Variants in C3orf49 observed in about 807,000 individuals in gnomAD.
C3orf49 encodes the protein chromosome 3 open reading frame 49, also known as putative uncharacterized protein C3orf49.
Under a neutral mutation model 13.3 loss-of-function variants are expected in C3orf49, and 27 were observed. The observed-to-expected ratio is 2.02, with a 90% confidence interval of 1.49 to 2.79. The LOEUF (loss-of-function observed/expected upper bound fraction) is 2.79, where lower values mean the gene tolerates loss of function less well. Ranked by LOEUF, C3orf49 falls within the 30% of genes most tolerant of loss-of-function variation. The pLI, the probability that C3orf49 is intolerant of heterozygous loss-of-function variation, is 0.00. For missense variants in C3orf49, 242 were observed against 134.2 expected, an observed-to-expected ratio of 1.80 and a Z score of -3.97; for synonymous variants, 87 against 47.6, an observed-to-expected ratio of 1.83 and a Z score of -3.40.
At chr3:63,842,218 T>C (rs1471468076) in intron 5 of C3orf49, among the ~76,000 whole-genome samples, 1 of 152,156 alleles carries the variant, frequency 6.6e-6, no homozygotes, top group East Asian at 1.9e-4. Context: ...GAAAAAATTC[T>C]CAACATCACT....
In C3orf49 at chr3:63,845,181, GTAT is replaced by G. The variant is rs201937070; in HGVS notation, c.*30+101_*30+103del. The G allele has an allele frequency of 4.0e-3, 2,029 of 504,234 alleles. 37 individuals are homozygous for G. The highest frequency in any genetic ancestry group is 0.034 in the African/African-American group (1,795 of 52,552). The allele number at this position is 504,234 out of a possible 1,614,324, so 31.2% of individuals were successfully genotyped here. On this transcript the variant is annotated intron_variant, in intron 6 of 6. Coordinates refer to ENST00000295896, the MANE Select transcript of C3orf49 (RefSeq NM_001355236.2). ...CAGATCTGAGCTCTGCTCTCTTTAA[GTAT>G]TTAAGCTCGCTGATATCTTTGGCTT...
rs1467463207 is a variant in C3orf49 at position 63,831,664 on chromosome 3, T to C, written c.685-16T>C. The C allele has an allele frequency of 2.9e-6, 2 of 699,388 alleles. No homozygotes were observed. Among genetic ancestry groups the C allele is most frequent in the African/African-American group, 3.5e-5 (2 of 57,146 alleles). The allele number at this position is 699,388 out of a possible 1,614,324, so 43.3% of individuals were successfully genotyped here. A position where few individuals can be genotyped will look rare whatever the true frequency, so the allele number is the denominator to read the frequency against. ...TCCAACACATGGCTTCATTTCTTTG[T>C]ATTTATCTGTCATAGGTGGATGACC... On this transcript the variant is annotated splice_polypyrimidine_tract_variant and intron_variant, in intron 4 of 6. Transcript: ENST00000295896.
At chr3:63,818,281 C>A (rs1263398797), upstream of C3orf49, among the ~76,000 whole-genome samples, 4 of 152,172 alleles carry the variant, frequency 2.6e-5, no homozygotes, top group Non-Finnish European at 4.4e-5. Context: ...ATGAATTGGC[C>A]AAGGTCACAT....
At chr3:63,825,858 T>C (rs1701459318) in intron 2 of C3orf49, among the ~76,000 whole-genome samples, 1 of 152,198 alleles carries the variant, frequency 6.6e-6, no homozygotes, top group Non-Finnish European at 1.5e-5. Flanking sequence ...AGGATGCTAT[T>C]GAAAGAAATC....
the C3orf49 span, among the ~76,000 whole-genome samples, chr3:63,796,362 G>T: frequency 6.6e-6 from 1 of 151,992 alleles, no homozygotes; most frequent in Non-Finnish European, 1.5e-5. Flanking sequence ...TTTCCAAGGG[G>T]ATTAATCCCA....
At chr3:63,784,879 G>A in the C3orf49 span, 3 of 152,004 alleles carry the variant, frequency 2.0e-5, no homozygotes, top group African/African-American at 7.3e-5. Context: ...GAAAGTGTTA[G>A]AAAGGCTAAT....
At chr3:63,808,209 G>A in the C3orf49 span, among the ~76,000 whole-genome samples, 5 of 152,196 alleles carry the variant, frequency 3.3e-5, no homozygotes, top group African/African-American at 1.2e-4. Flanking sequence ...TTATTTAAGA[G>A]ATAAGTGATA....
chr3:63,825,320 A>C (rs1340501857), intron 2 of C3orf49, among the ~76,000 whole-genome samples: 2 of 152,066 alleles, frequency 1.3e-5, no homozygotes, highest in African/African-American at 2.4e-5. Flanking sequence ...GAAAAAAAAA[A>C]CAAAAAAAAA....
the C3orf49 span, among the ~76,000 whole-genome samples, chr3:63,806,894 A>C: frequency 1.3e-5 from 2 of 152,156 alleles, no homozygotes; most frequent in Non-Finnish European, 2.9e-5. Context: ...TCCTCGGGGA[A>C]CCATAAACTC....
chr3:63,816,689 G>A (rs1282871207), upstream of C3orf49, among the ~76,000 whole-genome samples: 2 of 151,596 alleles, frequency 1.3e-5, no homozygotes, highest in African/African-American at 4.8e-5. Context: ...CAAGAGATTT[G>A]GTCCTCCCTC....
chr3:63,834,568 G>A (rs903989402), intron 5 of C3orf49, among the ~76,000 whole-genome samples: 11 of 151,820 alleles, frequency 7.2e-5, no homozygotes, highest in African/African-American at 2.7e-4. Context: ...GCTGAGGCAG[G>A]AGAATCACTT....
At chr3:63,835,264 A>T in intron 5 of C3orf49, 4 of 1,612,678 alleles carry the variant, frequency 2.5e-6, no homozygotes, top group Non-Finnish European at 3.4e-6. Context: ...TGACCTGTAT[A>T]TATAGATATA....
chr3:63,832,927 C>T (rs1162707080), intron 5 of C3orf49: 2 of 152,182 alleles, frequency 1.3e-5, no homozygotes, highest in East Asian at 3.9e-4. Flanking sequence ...AAAAATGTAA[C>T]ATCATTAAGG....
chr3:63,831,368 T>G, intron 4 of C3orf49, 145 bp downstream of exon 4: 1 of 612,466 alleles, frequency 1.6e-6, no homozygotes. Context: ...GGGGGCATTC[T>G]GAAAGTGGCT....
upstream of C3orf49, among the ~76,000 whole-genome samples, chr3:63,817,672 T>A (rs1472494466): frequency 2.0e-5 from 3 of 152,234 alleles, no homozygotes; most frequent in African/African-American, 7.2e-5. Context: ...CCCCACCCCC[T>A]TCCCACTCCT....
At chr3:63,831,549 G>A (rs376956689) in intron 4 of C3orf49, 131 bp from the exon 5 acceptor site, 6 of 640,648 alleles carry the variant, frequency 9.4e-6, no homozygotes, top group African/African-American at 7.4e-5. Flanking sequence ...ACTTGAATTA[G>A]AATAATATTT....
chr3:63,841,849 G>C (rs1242446887), intron 5 of C3orf49, among the ~76,000 whole-genome samples: 2 of 152,128 alleles, frequency 1.3e-5, no homozygotes, highest in Non-Finnish European at 2.9e-5. Context: ...AGCATCTAGT[G>C]GGTGAATCTG....
the C3orf49 span, among the ~76,000 whole-genome samples, chr3:63,780,993 A>T: frequency 6.6e-6 from 1 of 151,254 alleles, no homozygotes; most frequent in Non-Finnish European, 1.5e-5. Context: ...CTTTAGTTTA[A>T]TTAGATCCCA....
intron 6 of C3orf49, among the ~76,000 whole-genome samples, chr3:63,846,923 T>C (rs546068867): frequency 1.3e-5 from 2 of 152,272 alleles, no homozygotes; most frequent in Non-Finnish European, 2.9e-5. Context: ...TCCCCAAGTA[T>C]TTCAGCTCCA....
Sources: allele counts gnomAD v4.1 joint callset (sites outside exome capture counted in the v4.1 genomes callset), GRCh38; gene constraint gnomAD v4.1.1; transcripts MANE v1.5; gene names NCBI Gene and HGNC (gene_info 2026-07-23, HGNC 2026-07-21).